HELZ: variants seen among roughly 807,000 people sequenced by gnomAD.
HELZ encodes the protein helicase with zinc finger.
In HELZ, 23 loss-of-function variants were observed where a neutral mutation model predicts 218.2. That is an observed-to-expected ratio of 0.11 (90% CI 0.08 to 0.15). HELZ has a LOEUF of 0.15. HELZ is among the 10% of genes least tolerant of loss of function. The pLI is 1.00. For missense variants in HELZ, 1,813 were observed against 2,353.7 expected (o/e 0.77, Z 4.75); for synonymous variants, 814 against 829.4 (o/e 0.98, Z 0.32).
In HELZ at chr17:67,190,243, G is replaced by C; in HGVS notation, c.670C>G (p.Gln224Glu). Residue 224 changes from glutamine to glutamate, a missense_variant, in exon 10 of 33, where the codon CAG (glutamine) becomes GAG (glutamate). Gln to Glu is a conservative substitution (Grantham distance 29). Around this residue, in one of 4 missense-constraint regions of HELZ, gnomAD observed 714 missense variants for 1,029.2 expected, o/e 0.69. Coordinates refer to ENST00000358691, the MANE Select transcript of HELZ (RefSeq NM_014877.4). ...RYASRLIKLK[Q>E]QNENKQLSGS... ...GAGAGCTGTTTATTCTCATTTTGCT[G>C]TTTCAATTTTATCAGCCGTGAAGCA... The C allele has an allele frequency of 6.2e-7, 1 of 1,613,910 alleles. No individual in the cohort carries two copies. The highest frequency in any genetic ancestry group is 8.5e-7 in the Non-Finnish European group (1 of 1,179,848).
chr17:67,120,477 G>C lies in HELZ; in HGVS notation c.3766C>G (p.His1256Asp). The change falls in exon 27 of 33, where the codon CAC (histidine) becomes GAC (aspartate). Residue 1256 changes from histidine (H) to aspartate (D), a missense_variant. His to Asp is a moderately conservative substitution (Grantham distance 81, BLOSUM62 -1). Coordinates refer to ENST00000358691, the MANE Select transcript of HELZ (RefSeq NM_014877.4). ...GSPIPYGLGH[H>D]PPVTIGQPQN... is the part of the protein sequence containing the mutation. ...GGCTGGCCTATGGTGACAGGTGGGTGATGTCCAAGGCCATAAGGAATAGGA... is the reference window on the plus strand; with the variant it reads ...GGCTGGCCTATGGTGACAGGTGGGTCATGTCCAAGGCCATAAGGAATAGGA... The C allele has an allele frequency of 6.2e-7, 1 of 1,614,026 alleles. No individual in the cohort carries two copies. Among genetic ancestry groups the C allele is most frequent in the Non-Finnish European group, 8.5e-7 (1 of 1,179,990 alleles).
rs756070745 is a variant in HELZ, at chr17:67,123,037, G to A, written c.3563C>T (p.Thr1188Ile). Residue 1188 changes from threonine (T) to isoleucine (I), a missense_variant, in exon 26 of 33, where the codon ACT becomes ATT. Thr to Ile is a moderately conservative substitution (Grantham distance 89). Around this residue, in one of 4 missense-constraint regions of HELZ, gnomAD observed 938 missense variants for 1,027.5 expected, o/e 0.91. Transcript: ENST00000358691. ...AGGTACATAAAGAATACTTGTCCCA[G>A]TGTGAGGATCTATTCTTTGAACAGG... is the stretch of plus-strand genomic sequence containing the variant. Reference protein sequence around the residue: ...PSPVQRIDPHTGTSILYVPAV... With the variant: ...PSPVQRIDPHIGTSILYVPAV... 9.9e-6 allele frequency: 16 copies of A among 1,613,580 alleles called. No homozygotes were observed. The South Asian group carries it at 1.8e-4, about 18-fold the overall frequency.
chr17:67,207,132 G>A (rs543999830), intron 5 of HELZ, among the ~76,000 whole-genome samples: 2 of 148,264 alleles, frequency 1.3e-5, no homozygotes, highest in Admixed American at 6.8e-5. Flanking sequence ...GGTTGGTCTC[G>A]AACTCCTGAC....
At chr17:67,235,749 CTTTTTTTTTTTTTT>C (rs1216322685) in intron 3 of HELZ, among the ~76,000 whole-genome samples, 19 of 78,670 alleles carry the variant, frequency 2.4e-4, no homozygotes, top group African/African-American at 1.0e-3. Flanking sequence ...ACCACACACT[CTTTTTTTTTTTTTT>C]TTTTTTTTTT....
intron 23 of HELZ, among the ~76,000 whole-genome samples, chr17:67,130,140 T>C (rs1032437128): frequency 4.6e-5 from 7 of 152,136 alleles, no homozygotes; most frequent in African/African-American, 1.7e-4. Context: ...TTTTTGAAGA[T>C]GAGTTTAAGA....
upstream of HELZ, chr17:67,245,328 C>G (rs2041455000): frequency 1.3e-6 from 1 of 751,640 alleles, no homozygotes; most frequent in South Asian, 5.8e-5. Context: ...ACTGCCGACC[C>G]CGGCGCCCGC....
At chr17:67,176,828 T>C (rs1426683764) in intron 13 of HELZ, among the ~76,000 whole-genome samples, 1 of 152,022 alleles carries the variant, frequency 6.6e-6, no homozygotes, top group African/African-American at 2.4e-5. Flanking sequence ...AGTGACAGAG[T>C]GAGACCCTGT....
intron 31 of HELZ, among the ~76,000 whole-genome samples, chr17:67,101,761 T>A (rs2036937223): frequency 6.6e-6 from 1 of 152,174 alleles, no homozygotes; most frequent in African/African-American, 2.4e-5. Flanking sequence ...TTGCAAAGAA[T>A]TTGGAAAGTG....
intron 21 of HELZ, among the ~76,000 whole-genome samples, chr17:67,142,522 A>T (rs770103868): frequency 2.5e-4 from 38 of 152,076 alleles, no homozygotes; most frequent in Non-Finnish European, 4.0e-4. Context: ...ACAAAACAAA[A>T]CAAACAGGCA....
At position 67,076,668 on chromosome 17, in the gene HELZ, T is replaced by C. The variant is rs1043685157; in HGVS notation, c.*1584A>G. On this transcript the variant is annotated 3_prime_UTR_variant, in exon 33 of 33. Transcript: ENST00000358691. ...TAAAAGGGGTTGTAGCTGGCCAACA[T>C]AAACTAAACTCCAATCATAGAAGAA... 6.6e-6 allele frequency: 1 copy of C among 152,216 alleles called. No individual in the cohort carries two copies. Among genetic ancestry groups the C allele is most frequent in the African/African-American group, 2.4e-5 (1 of 41,456 alleles). The allele number at this position is 152,216 out of a possible 1,614,324, so 9.4% of individuals were successfully genotyped here. A position where few individuals can be genotyped will look rare whatever the true frequency, so the allele number is the denominator to read the frequency against.
At chr17:67,244,337 C>T (rs987739880) in intron 1 of HELZ, among the ~76,000 whole-genome samples, 10 of 152,132 alleles carry the variant, frequency 6.6e-5, no homozygotes, top group Non-Finnish European at 1.3e-4. Context: ...ACCTGAGGAT[C>T]CCGATCCAAG....
chr17:67,223,120 C>A lies in HELZ; in HGVS notation c.-18-4298G>T, dbSNP rs2040794942. Among the ~76,000 whole-genome samples the A allele has an allele frequency of 1.3e-5, 2 of 149,848 alleles. 1 individual carries two copies. The highest frequency in any genetic ancestry group is 4.9e-5 in the African/African-American group (2 of 40,680). ...AAAAAAAAAAAAAAAATTAGCCTGG[C>A]ATGGTTGCGGGCGCCTGTAGTCCCA... is the stretch of plus-strand genomic sequence containing the variant. On this transcript the variant is annotated intron_variant, in intron 3 of 32. Coordinates refer to ENST00000358691, the MANE Select transcript of HELZ (RefSeq NM_014877.4).
At chr17:67,240,978 A>G (rs1404211412) in intron 2 of HELZ, among the ~76,000 whole-genome samples, 3 of 152,220 alleles carry the variant, frequency 2.0e-5, no homozygotes, top group Non-Finnish European at 4.4e-5. Context: ...ATTCACTTCT[A>G]ACAGATTCAA....
intron 14 of HELZ, among the ~76,000 whole-genome samples, 190 bp downstream of exon 14, chr17:67,167,273 T>C (rs2039172531): frequency 6.6e-6 from 1 of 152,230 alleles, no homozygotes. Context: ...ACATTCTAAA[T>C]GTTACTTATA....
chr17:67,130,135 G>C (rs1242384041), intron 23 of HELZ, among the ~76,000 whole-genome samples: 1 of 151,938 alleles, frequency 6.6e-6, no homozygotes, highest in African/African-American at 2.4e-5. Flanking sequence ...CTAGTTTTTT[G>C]AAGATGAGTT....
chr17:67,221,209 G>C (rs1416616825), intron 3 of HELZ, among the ~76,000 whole-genome samples: 1 of 152,148 alleles, frequency 6.6e-6, no homozygotes, highest in Non-Finnish European at 1.5e-5. Flanking sequence ...GTGCATTGTA[G>C]GTTATTGAGC....
intron 17 of HELZ, among the ~76,000 whole-genome samples, chr17:67,156,079 A>C (rs1598336907): frequency 1.3e-5 from 2 of 150,414 alleles, no homozygotes; most frequent in African/African-American, 4.8e-5. Flanking sequence ...CTAAAAAAGT[A>C]AAAAATTCCC....
chr17:67,143,385 A>C (rs914064959), intron 21 of HELZ, among the ~76,000 whole-genome samples: 2 of 152,112 alleles, frequency 1.3e-5, no homozygotes, highest in Non-Finnish European at 2.9e-5. Context: ...AGGTGAGAGG[A>C]TCGCTTGAGC....
In HELZ at chr17:67,190,140, T is replaced by A. The variant is rs764800816; in HGVS notation, c.756+17A>T. The A allele has an allele frequency of 8.0e-5, 128 of 1,602,944 alleles. No homozygotes were observed. Among genetic ancestry groups the A allele is most frequent in the Middle Eastern group, 1.7e-4 (1 of 5,940 alleles). ...TGTTTAAGACAAACAAAAAATAATG[T>A]AGCTTATTTTCCTCACCACTTTCTC... On this transcript the variant is annotated intron_variant, in intron 10 of 32. Transcript: ENST00000358691.
Sources: allele counts gnomAD v4.1 joint callset (sites outside exome capture counted in the v4.1 genomes callset), GRCh38; gene constraint gnomAD v4.1.1; regional missense constraint gnomAD v4.1.1; transcripts MANE v1.5; gene names NCBI Gene and HGNC (gene_info 2026-07-23, HGNC 2026-07-21).